Variants in PRDX2 observed in about 807,000 individuals in gnomAD.
PRDX2 encodes the protein peroxiredoxin 2, also known as peroxiredoxin-2.
In PRDX2, 10 loss-of-function variants were observed where a neutral mutation model predicts 19.8. That is an observed-to-expected ratio of 0.50 (90% CI 0.31 to 0.86). The LOEUF is 0.86. PRDX2 is among the 40% of genes least tolerant of loss of function. The pLI is 0.04. For synonymous variants in PRDX2, 118 were observed against 108.2 expected, an observed-to-expected ratio of 1.09 and a Z score of -0.56; for missense variants, 226 against 260.1, an observed-to-expected ratio of 0.87 and a Z score of 0.90.
At position 12,797,165 on chromosome 19, in the gene PRDX2, A is replaced by T; in HGVS notation, c.513T>A (p.Val171=). The T allele has an allele frequency of 5.6e-6, 9 of 1,613,896 alleles. No individual in the cohort carries two copies. The highest frequency in any genetic ancestry group is 7.6e-6 in the Non-Finnish European group (9 of 1,179,814). ...AFQYTDEHGE[V]CPAGWKPGSD... Reference sequence around the variant, plus strand: ...TGCCAGGCTTCCAGCCAGCGGGACAAACTGTGGGAAGACACAAGGATGCAC... The same window carrying T: ...TGCCAGGCTTCCAGCCAGCGGGACATACTGTGGGAAGACACAAGGATGCAC... Residue 171 remains valine, a splice_region_variant and synonymous_variant, in exon 6 of 6, where the codon GTT becomes GTA. Transcript: ENST00000301522.
In PRDX2 at chr19:12,800,912, A is replaced by G; in HGVS notation, c.257+4T>C. On this transcript the variant is annotated splice_donor_region_variant and intron_variant, in intron 3 of 5. Coordinates refer to ENST00000301522, the MANE Select transcript of PRDX2 (RefSeq NM_005809.6). ...CAACCTCCCTCTTTGGCCCCTGCTC[A>G]TACCAAGCCAGGTGGGTGAACTGAG... 1.2e-6 allele frequency: 2 copies of G among 1,606,792 alleles called. No individual in the cohort carries two copies. Among genetic ancestry groups the G allele is most frequent in the Non-Finnish European group, 1.7e-6 (2 of 1,176,608 alleles).
At chr19:12,800,779 T>C (rs761015596) in intron 3 of PRDX2, 137 bp downstream of exon 3, 26 of 1,545,884 alleles carry the variant, frequency 1.7e-5, no homozygotes, top group Middle Eastern at 1.7e-4. Flanking sequence ...CTTAAAGACT[T>C]GGGCGGCAAT....
chr19:12,798,692 TAA>T (rs563105953), intron 5 of PRDX2, among the ~76,000 whole-genome samples: 20 of 124,882 alleles, frequency 1.6e-4, no homozygotes, highest in Admixed American at 2.4e-4. Flanking sequence ...CCCCATCTCT[TAA>T]AAAAAAAAAA....
At chr19:12,801,442 C>G (rs1968896399) in intron 1 of PRDX2, among the ~76,000 whole-genome samples, 172 bp from the exon 2 acceptor site, 1 of 152,244 alleles carries the variant, frequency 6.6e-6, no homozygotes, top group Non-Finnish European at 1.5e-5. Flanking sequence ...GAGACCCGCT[C>G]TCCTGACCAG....
At chr19:12,800,431 C>A in intron 3 of PRDX2, 132 bp from the exon 4 acceptor site, 1 of 1,201,186 alleles carries the variant, frequency 8.3e-7, no homozygotes, top group Non-Finnish European at 1.2e-6. Flanking sequence ...GGGAGCCTCA[C>A]CCACCCCACC....
At chr19:12,801,381 A>G (rs1968895405) in intron 1 of PRDX2, 111 bp from the exon 2 acceptor site, 1 of 1,125,122 alleles carries the variant, frequency 8.9e-7, no homozygotes, top group Non-Finnish European at 1.3e-6. Flanking sequence ...AGGCGACAGC[A>G]CTAACCCTCA....
At chr19:12,800,783 C>G (rs1415246003) in intron 3 of PRDX2, 133 bp downstream of exon 3, 1 of 1,545,982 alleles carries the variant, frequency 6.5e-7, no homozygotes, top group Non-Finnish European at 8.7e-7. Context: ...AAGACTTGGG[C>G]GGCAATGTTT....
intron 5 of PRDX2, among the ~76,000 whole-genome samples, chr19:12,797,510 C>T (rs1395197735): frequency 1.3e-5 from 2 of 151,510 alleles, no homozygotes; most frequent in African/African-American, 4.8e-5. Context: ...TGGTAGAGAC[C>T]ATGTTAGTCA....
intron 1 of PRDX2, 49 bp from the exon 2 acceptor site, chr19:12,801,319 C>T: frequency 1.3e-6 from 2 of 1,552,266 alleles, no homozygotes; most frequent in Non-Finnish European, 1.7e-6. Flanking sequence ...TTTGTCCTCC[C>T]AACCCAAGGT....
chr19:12,799,333 G>A (rs534732719), intron 5 of PRDX2, among the ~76,000 whole-genome samples: 19 of 152,154 alleles, frequency 1.2e-4, no homozygotes, highest in African/African-American at 4.1e-4. Flanking sequence ...GAGTAGCTGG[G>A]ACTATAGGCA....
In PRDX2 at chr19:12,800,951, G is replaced by A; in HGVS notation, c.222C>T (p.Gly74=). 1 of 1,611,434 alleles carries A rather than the reference G, an allele frequency of 6.2e-7. No homozygotes were observed. The highest frequency in any genetic ancestry group is 8.5e-7 in the Non-Finnish European group (1 of 1,179,786). ...DFRKLGCEVL[G]VSVDSQFTHL... ...GGGTGAACTGAGAGTCCACCGAGAC[G>A]CCCAGCACTTCACAGCCCAGCTTGC... The change falls in exon 3 of 6, where the codon GGC becomes GGT. Residue 74 remains glycine (G), a synonymous_variant. Coordinates refer to ENST00000301522, the MANE Select transcript of PRDX2 (RefSeq NM_005809.6).
chr19:12,800,806 C>T (rs1968880295), intron 3 of PRDX2, 110 bp downstream of exon 3: 2 of 1,549,116 alleles, frequency 1.3e-6, no homozygotes, highest in South Asian at 1.2e-5. Flanking sequence ...ATTATTTTCA[C>T]GATGGGGAAA....
chr19:12,800,571 T>A (rs1968873254), intron 3 of PRDX2: 3 of 902,190 alleles, frequency 3.3e-6, no homozygotes, highest in Non-Finnish European at 4.8e-6. Context: ...GTGTTAAGAG[T>A]CCCCATCCTC....
At chr19:12,800,545 AC>A in intron 3 of PRDX2, 1 of 809,736 alleles carries the variant, frequency 1.2e-6, no homozygotes, top group Non-Finnish European at 1.9e-6. Context: ...TTGCAGCATC[AC>A]CCAGCAGAGA....
chr19:12,798,652 CTT>C (rs1014273912), intron 5 of PRDX2, among the ~76,000 whole-genome samples: 15 of 95,148 alleles, frequency 1.6e-4, no homozygotes, highest in African/African-American at 4.0e-4. Flanking sequence ...CATCTGGCCT[CTT>C]TTTTTTTTTT....
chr19:12,797,582 A>G lies in PRDX2; in HGVS notation c.512-416T>C, dbSNP rs138300134. ...CGTCTTGGCCTCCCAAAGTGCTGGG[A>G]TTACAGGTGTGAGCCACCATGCCTA... On this transcript the variant is annotated intron_variant, in intron 5 of 5. Transcript: ENST00000301522. Among the ~76,000 whole-genome samples, 1,361 of 150,490 alleles carry G rather than the reference A, an allele frequency of 9.0e-3. 23 individuals carry two copies. The highest frequency in any genetic ancestry group is 0.03 in the African/African-American group (1,243 of 40,958).
intron 5 of PRDX2, among the ~76,000 whole-genome samples, chr19:12,797,782 T>G (rs556800042): frequency 2.0e-5 from 3 of 149,388 alleles, no homozygotes; most frequent in Non-Finnish European, 4.4e-5. Context: ...CTTAGCCTCC[T>G]GAGTAGCTGG....
At position 12,801,722 on chromosome 19, in the gene PRDX2, C is replaced by T; in HGVS notation, c.-10+18G>A. On this transcript the variant is annotated intron_variant, in intron 1 of 5. Coordinates refer to ENST00000301522, the MANE Select transcript of PRDX2 (RefSeq NM_005809.6). ...CTGAAGGGGGTCCTCCCGCCAGGTG[C>T]ACTCCGGGTGTTCATACCTGCGTGG... The T allele has an allele frequency of 3.2e-6, 1 of 308,100 alleles. No homozygotes were observed. Among genetic ancestry groups the T allele is most frequent in the Non-Finnish European group, 6.0e-6 (1 of 166,238 alleles). 19.1% of individuals were successfully genotyped at this position (308,100 alleles called of 1,614,324 possible).
chr19:12,800,457 G>T, intron 3 of PRDX2, 158 bp from the exon 4 acceptor site: 2 of 995,486 alleles, frequency 2.0e-6, no homozygotes, highest in Non-Finnish European at 1.5e-6. Flanking sequence ...TTGGGTGCAA[G>T]GACTGTATCC....
Sources: allele counts gnomAD v4.1 joint callset (sites outside exome capture counted in the v4.1 genomes callset), GRCh38; gene constraint gnomAD v4.1.1; transcripts MANE v1.5; gene names NCBI Gene and HGNC (gene_info 2026-07-23, HGNC 2026-07-21).